NUP155: variants seen among roughly 807,000 people sequenced by gnomAD.
The protein encoded by NUP155 is nucleoporin 155.
NUP155 carries 71 observed loss-of-function variants against 180.4 expected under a neutral mutation model. That is an observed-to-expected ratio of 0.39 (90% confidence interval 0.33 to 0.48). The LOEUF is 0.48. Ranked by LOEUF, NUP155 falls within the 20% of genes least tolerant of loss-of-function variation. The probability of loss-of-function intolerance (pLI) is 0.91; values close to 1 mark genes in which losing one functional copy is unlikely to be tolerated. For synonymous variants in NUP155, 582 were observed against 559.5 expected (o/e 1.04, Z -0.57); for missense variants, 1,553 against 1,648.9 (o/e 0.94, Z 1.01).
intron 22 of NUP155, among the ~76,000 whole-genome samples, chr5:37,312,929 T>C (rs1743618820): frequency 6.6e-6 from 1 of 152,146 alleles, no homozygotes; most frequent in African/African-American, 2.4e-5. Flanking sequence ...GAGTCAAATG[T>C]ATATGGGAGT....
At chr5:37,329,349 C>T (rs1210426203) in intron 15 of NUP155, 71 bp from the exon 16 acceptor site, 1 of 1,234,792 alleles carries the variant, frequency 8.1e-7, no homozygotes, top group South Asian at 1.2e-5. Flanking sequence ...GGAATTGTTC[C>T]TTTTCCTGTT....
chr5:37,317,934 A>AT, intron 21 of NUP155, 54 bp downstream of exon 21: 1 of 904,474 alleles, frequency 1.1e-6, no homozygotes, highest in Non-Finnish European at 1.9e-6. Flanking sequence ...CTATTCAAGT[A>AT]ATAAAATTTT....
At position 37,291,039 on chromosome 5, in the gene NUP155, T is replaced by C. The variant is rs1169293720; in HGVS notation, c.*861A>G. The C allele has an allele frequency of 6.6e-6, 1 of 152,142 alleles. No homozygotes were observed. Among genetic ancestry groups the C allele is most frequent in the East Asian group, 1.9e-4 (1 of 5,200 alleles). 9.4% of individuals were successfully genotyped at this position (152,142 alleles called of 1,614,324 possible). A position where few individuals can be genotyped will look rare whatever the true frequency, so the allele number is the denominator to read the frequency against. On this transcript the variant is annotated 3_prime_UTR_variant, in exon 35 of 35. Coordinates refer to ENST00000231498, the MANE Select transcript of NUP155 (RefSeq NM_153485.3). ...GTAGGTTTTCAGGACACAACATTAGTTACAAGTTTTATCACCTGCTCAACC... is the reference window on the plus strand; with the variant it reads ...GTAGGTTTTCAGGACACAACATTAGCTACAAGTTTTATCACCTGCTCAACC...
At chr5:37,308,171 A>T (rs1743286432) in intron 24 of NUP155, among the ~76,000 whole-genome samples, 1 of 152,164 alleles carries the variant, frequency 6.6e-6, no homozygotes, top group Non-Finnish European at 1.5e-5. Context: ...AAAAATTTTA[A>T]ATATCTGAAA....
intron 4 of NUP155, among the ~76,000 whole-genome samples, chr5:37,356,169 C>T (rs1261210610): frequency 1.5e-5 from 2 of 137,100 alleles, no homozygotes; most frequent in South Asian, 4.7e-4. Context: ...GCGGAGGGTG[C>T]GGTGAGCCGA....
chr5:37,368,348 T>C (rs1747742006), intron 1 of NUP155, among the ~76,000 whole-genome samples: 1 of 150,746 alleles, frequency 6.6e-6, no homozygotes, highest in African/African-American at 2.4e-5. Flanking sequence ...GCCTCCCAAG[T>C]AGCTGGGGGT....
chr5:37,321,320 T>C (rs1385743955), intron 20 of NUP155, among the ~76,000 whole-genome samples: 1 of 152,146 alleles, frequency 6.6e-6, no homozygotes, highest in African/African-American at 2.4e-5. Flanking sequence ...CATTGCAGCC[T>C]GGGCGACAAA....
intron 22 of NUP155, among the ~76,000 whole-genome samples, chr5:37,313,294 G>A (rs1178807194): frequency 2.0e-5 from 3 of 151,946 alleles, no homozygotes; most frequent in African/African-American, 7.2e-5. Context: ...AGCTGGGCGT[G>A]GTGGCATGCA....
intron 20 of NUP155, among the ~76,000 whole-genome samples, chr5:37,318,945 G>A (rs1322578969): frequency 1.3e-5 from 2 of 152,158 alleles, no homozygotes; most frequent in Non-Finnish European, 1.5e-5. Flanking sequence ...AGAAAATGGT[G>A]CAAAATGTAT....
Position 37,371,046 on chromosome 5 carries a change from A to C in NUP155, c.-69T>G, listed in dbSNP as rs2111787971. 1.3e-6 allele frequency: 2 copies of C among 1,555,832 alleles called. No individual in the cohort carries two copies. The highest frequency in any genetic ancestry group is 1.8e-6 in the Non-Finnish European group (2 of 1,136,388). On this transcript the variant is annotated 5_prime_UTR_variant, in exon 1 of 35. Transcript: ENST00000231498. ...AAGGAGAAACAAGAAAAGATCCAAG[A>C]AGTTAGCTTAGATCCGCCGCCTAGG... is the stretch of plus-strand genomic sequence containing the variant.
intron 24 of NUP155, among the ~76,000 whole-genome samples, chr5:37,307,923 C>CAA (rs1397316331): frequency 1.1e-5 from 1 of 87,906 alleles, no homozygotes; most frequent in Non-Finnish European, 3.0e-5. Context: ...CTCTGTCTCA[C>CAA]AAAAAAAAAA....
At chr5:37,309,526 T>C (rs1581142358) in intron 23 of NUP155, 1 of 432,552 alleles carries the variant, frequency 2.3e-6, no homozygotes, top group African/African-American at 2.0e-5. Context: ...AATACATTAT[T>C]GGGCAGCAGG....
In NUP155 at chr5:37,313,379, C is replaced by T. The variant is rs182732387; in HGVS notation, c.2436+819G>A. On this transcript the variant is annotated intron_variant, in intron 22 of 34. Transcript: ENST00000231498. Reference sequence around the variant, plus strand: ...CCGGGAGGTGGAGGTTGCAGCGAGCCGAGATTGCACAACTGCAGCCTGGGC... The same window carrying T: ...CCGGGAGGTGGAGGTTGCAGCGAGCTGAGATTGCACAACTGCAGCCTGGGC... Among the ~76,000 whole-genome samples, 27 of 150,792 alleles carry T rather than the reference C, an allele frequency of 1.8e-4. 1 individual carries two copies. The highest frequency in any genetic ancestry group is 1.3e-3 in the Admixed American group (19 of 15,118).
intron 23 of NUP155, 65 bp from the exon 24 acceptor site, chr5:37,309,332 C>T: frequency 1.5e-6 from 2 of 1,340,000 alleles, no homozygotes; most frequent in Non-Finnish European, 2.1e-6. Context: ...ATGCTGTCAA[C>T]TAAGTTTTAG....
intron 12 of NUP155, among the ~76,000 whole-genome samples, chr5:37,335,864 G>A (rs904107823): frequency 6.6e-6 from 1 of 151,914 alleles, no homozygotes; most frequent in African/African-American, 2.4e-5. Flanking sequence ...GGGGTGGCGG[G>A]TGCTGAGGTA....
intron 4 of NUP155, among the ~76,000 whole-genome samples, chr5:37,355,966 C>T (rs1044739312): frequency 7.9e-5 from 12 of 151,816 alleles, no homozygotes; most frequent in East Asian, 3.9e-4. Flanking sequence ...TGGTGGCTCA[C>T]GTCTGTAATC....
chr5:37,351,910 T>C (rs1489954267), intron 5 of NUP155, among the ~76,000 whole-genome samples: 1 of 152,098 alleles, frequency 6.6e-6, no homozygotes, highest in Admixed American at 6.6e-5. Flanking sequence ...GTGTTTATTA[T>C]ATAGTAAGAT....
intron 4 of NUP155, among the ~76,000 whole-genome samples, chr5:37,355,434 G>C (rs1554132027): frequency 6.6e-6 from 1 of 151,806 alleles, no homozygotes; most frequent in Non-Finnish European, 1.5e-5. Context: ...CTTAAACCCA[G>C]GAGGCGGAGG....
chr5:37,304,956 T>C, intron 26 of NUP155, 101 bp downstream of exon 26: 1 of 1,527,624 alleles, frequency 6.5e-7, no homozygotes, highest in Admixed American at 1.7e-5. Flanking sequence ...CATGATAACT[T>C]CTAAGAACTA....
Sources: gnomAD v4.1 joint callset for allele counts (sites outside exome capture counted in the v4.1 genomes callset) on GRCh38, gnomAD v4.1.1 for gene constraint, MANE v1.5 for transcripts, NCBI Gene and HGNC (gene_info 2026-07-23, HGNC 2026-07-21) for gene names.